ISCU: variants seen among roughly 807,000 people sequenced by gnomAD.
ISCU encodes the protein iron-sulfur cluster assembly enzyme.
A neutral mutation model predicts 18.4 loss-of-function variants in ISCU; 13 were observed. That is an observed-to-expected ratio of 0.71 (90% CI 0.46 to 1.12). The LOEUF (loss-of-function observed/expected upper bound fraction) is 1.12, where lower values mean the gene tolerates loss of function less well. Ranked by LOEUF, ISCU falls within the 50% of genes most tolerant of loss-of-function variation. The pLI, the probability that ISCU is intolerant of heterozygous loss-of-function variation, is 0.00. For missense variants in ISCU, 229 were observed against 208.7 expected, an observed-to-expected ratio of 1.10 and a Z score of -0.60; for synonymous variants, 104 against 87.5, an observed-to-expected ratio of 1.19 and a Z score of -1.06.
chr12:108,562,581 C>T (rs2287554), upstream of ISCU: 435,504 of 1,174,858 alleles, frequency 0.37, 85,916 homozygotes, highest in Non-Finnish European at 0.4. Context: ...GCGCCCCGCC[C>T]CTCGGCGTCG....
chr12:108,568,127 C>A, intron 4 of ISCU: 1 of 1,366,940 alleles, frequency 7.3e-7, no homozygotes, highest in East Asian at 2.7e-5. Flanking sequence ...TTTAAGTACC[C>A]ATAAAGAAAG....
intron 4 of ISCU, 192 bp downstream of exon 4, chr12:108,567,460 A>T: frequency 4.2e-6 from 3 of 722,474 alleles, no homozygotes; most frequent in Non-Finnish European, 7.3e-6. Context: ...GAATCATGCC[A>T]GAAGGAGGTA....
intron 1 of ISCU, chr12:108,562,968 C>T (rs1222281351): frequency 2.6e-6 from 1 of 377,728 alleles, no homozygotes; most frequent in Non-Finnish European, 4.7e-6. Context: ...CTTCGTGCGT[C>T]CCAATTTTAA....
chr12:108,567,494 C>A, intron 4 of ISCU: 1 of 730,142 alleles, frequency 1.4e-6, no homozygotes. Flanking sequence ...ATACTGAGCA[C>A]TTCATGGGCG....
At chr12:108,562,373 T>C (rs1322905151), upstream of ISCU, among the ~76,000 whole-genome samples, 1 of 152,184 alleles carries the variant, frequency 6.6e-6, no homozygotes, top group Non-Finnish European at 1.5e-5. Flanking sequence ...CCTGAGGTCC[T>C]GTCTCAACCA....
intron 2 of ISCU, 61 bp downstream of exon 2, chr12:108,564,453 C>G: frequency 8.7e-7 from 1 of 1,152,170 alleles, no homozygotes; most frequent in Non-Finnish European, 1.3e-6. Context: ...AAAGCACTTG[C>G]GCATTTCACT....
intron 4 of ISCU, 39 bp downstream of exon 4, chr12:108,567,307 T>G (rs769828440): frequency 6.5e-7 from 1 of 1,528,592 alleles, no homozygotes; most frequent in Non-Finnish European, 9.1e-7. Flanking sequence ...CTGGGACATT[T>G]GGCAGTAATT....
intron 1 of ISCU, chr12:108,562,965 C>A: frequency 2.6e-6 from 1 of 378,210 alleles, no homozygotes; most frequent in Non-Finnish European, 4.7e-6. Context: ...CGACTTCGTG[C>A]GTCCCAATTT....
intron 2 of ISCU, 131 bp from the exon 3 acceptor site, chr12:108,565,190 T>C: frequency 2.8e-6 from 2 of 717,772 alleles, no homozygotes; most frequent in Admixed American, 2.2e-5. Context: ...GCAAAGTCAG[T>C]AATTAATGCC....
chr12:108,568,222 T>C, intron 4 of ISCU: 1 of 1,238,608 alleles, frequency 8.1e-7, no homozygotes, highest in Non-Finnish European at 1.0e-6. Context: ...AACCTTTAGC[T>C]GATGTTCTCT....
intron 1 of ISCU, chr12:108,563,016 C>T (rs914604269): frequency 3.6e-6 from 1 of 280,802 alleles, no homozygotes; most frequent in Non-Finnish European, 6.6e-6. Context: ...CCTGTTGGGA[C>T]TTGTCTTTCT....
intron 4 of ISCU, chr12:108,567,998 A>G (rs1322029896): frequency 1.8e-5 from 28 of 1,531,224 alleles, no homozygotes; most frequent in Non-Finnish European, 2.4e-5. Flanking sequence ...ATCAGCAGAG[A>G]GTCAGGCCTC....
At chr12:108,567,062 G>A (rs553083993) in intron 3 of ISCU, 128 bp from the exon 4 acceptor site, 53 of 732,526 alleles carry the variant, frequency 7.2e-5, no homozygotes, top group African/African-American at 5.1e-4. Flanking sequence ...ACCCTTAGCC[G>A]TTTGAGTTAT....
rs2030938422 is a variant in ISCU, at chr12:108,567,178, T to C, written c.340-12T>C. Reference sequence around the variant, plus strand: ...TTGCTAAAACTGCCCATCTTTCCATTATGCCTCTCAGGTGGAGGAAGCCTT... The same window carrying C: ...TTGCTAAAACTGCCCATCTTTCCATCATGCCTCTCAGGTGGAGGAAGCCTT... On this transcript the variant is annotated splice_polypyrimidine_tract_variant and intron_variant, in intron 3 of 4. Transcript: ENST00000311893. 1.9e-6 allele frequency: 3 copies of C among 1,608,188 alleles called. No homozygotes were observed. Among genetic ancestry groups the C allele is most frequent in the South Asian group, 2.2e-5 (2 of 90,972 alleles).
Position 108,568,834 on chromosome 12 carries a change from T to A in ISCU, c.422T>A (p.Leu141Gln). The A allele has an allele frequency of 6.2e-7, 1 of 1,613,038 alleles. No individual in the cohort carries two copies. The highest frequency in any genetic ancestry group is 8.5e-7 in the Non-Finnish European group (1 of 1,179,600). Residue 141 changes from leucine to glutamine, a missense_variant, in exon 5 of 5, where the codon CTG becomes CAG. Leu to Gln is a moderately radical substitution (Grantham distance 113). Transcript: ENST00000311893. ...LPPVKLHCSM[L>Q]AEDAIKAALA... ...TCTTTCCTTCCGTTACTTCCAGTGC[T>A]GGCTGAAGATGCAATCAAGGCCGCC...
chr12:108,564,373 G>A lies in ISCU; in HGVS notation c.209G>A (p.Gly70Asp). The change falls in exon 2 of 5, where the codon GGT becomes GAT. Residue 70 changes from glycine to aspartate, a missense_variant. Coordinates refer to ENST00000311893, the MANE Select transcript of ISCU (RefSeq NM_213595.4). ...GTGLVGAPAC[G>D]DVMKLQIQVD... Reference sequence around the variant, plus strand: ...GGACTGGTGGGGGCTCCAGCATGTGGTGACGTAATGAAATTACAGGTATGG... The same window carrying A: ...GGACTGGTGGGGGCTCCAGCATGTGATGACGTAATGAAATTACAGGTATGG... The A allele has an allele frequency of 6.2e-7, 1 of 1,612,856 alleles. No individual in the cohort carries two copies. Among genetic ancestry groups the A allele is most frequent in the Non-Finnish European group, 8.5e-7 (1 of 1,178,792 alleles).
chr12:108,567,716 G>T (rs1445836060), intron 4 of ISCU: 1 of 1,535,956 alleles, frequency 6.5e-7, no homozygotes, highest in Middle Eastern at 1.7e-4. Context: ...CCTGTTTCCT[G>T]TGTATTTCTT....
At chr12:108,563,878 T>G (rs548045506) in intron 1 of ISCU, 1 of 612,338 alleles carries the variant, frequency 1.6e-6, no homozygotes, top group East Asian at 2.9e-5. Context: ...TTTCCCTCCC[T>G]GGGCCATGGT....
upstream of ISCU, chr12:108,562,463 T>G: frequency 2.3e-6 from 1 of 443,840 alleles, no homozygotes; most frequent in Non-Finnish European, 3.9e-6. Context: ...AGAGGCGTGG[T>G]CAAGGCGGGG....
Sources: allele counts gnomAD v4.1 joint callset (sites outside exome capture counted in the v4.1 genomes callset), GRCh38; gene constraint gnomAD v4.1.1; transcripts MANE v1.5; gene names NCBI Gene and HGNC (gene_info 2026-07-23, HGNC 2026-07-21).